ST6GALNAC3: variants seen among roughly 807,000 people sequenced by gnomAD.
ST6GALNAC3 encodes ST6 N-acetylgalactosaminide alpha-2,6-sialyltransferase 3.
In ST6GALNAC3, 25 loss-of-function variants were observed where a neutral mutation model predicts 32.7. The ratio of observed to expected loss-of-function variants is 0.76; its 90% confidence interval spans 0.56 to 1.07. The LOEUF (loss-of-function observed/expected upper bound fraction) is 1.07. Ranked by LOEUF, ST6GALNAC3 falls within the 50% of genes least tolerant of loss-of-function variation. ST6GALNAC3 has a pLI of 0.00. For synonymous variants in ST6GALNAC3, 129 were observed against 133.1 expected, an observed-to-expected ratio of 0.97 and a Z score of 0.21; for missense variants, 355 against 382.4, an observed-to-expected ratio of 0.93 and a Z score of 0.60.
At chr1:76,470,651 A>G (rs1658962659) in intron 3 of ST6GALNAC3, among the ~76,000 whole-genome samples, 1 of 152,050 alleles carries the variant, frequency 6.6e-6, no homozygotes, top group East Asian at 1.9e-4. Context: ...TAGGGGGGAA[A>G]AATCCAGGGT....
intron 1 of ST6GALNAC3, among the ~76,000 whole-genome samples, chr1:76,095,528 CA>C (rs1286902172): frequency 6.6e-6 from 1 of 152,100 alleles, no homozygotes; most frequent in Non-Finnish European, 1.5e-5. Flanking sequence ...AGACTGTTCC[CA>C]AAGTGTGATC....
intron 1 of ST6GALNAC3, among the ~76,000 whole-genome samples, chr1:76,236,284 G>T (rs939089429): frequency 6.6e-6 from 1 of 152,074 alleles, no homozygotes; most frequent in Non-Finnish European, 1.5e-5. Flanking sequence ...ATCTACAATG[G>T]CCCTACTTCT....
rs368598099 is a variant in ST6GALNAC3 at position 76,489,973 on chromosome 1, A to G, written c.623+77556A>G. Reference sequence around the variant, plus strand: ...GCTGGAGGGCACATACCCTCGGTGTAAATCTTCCAGACAGACTTTCAGGTA... The same window carrying G: ...GCTGGAGGGCACATACCCTCGGTGTGAATCTTCCAGACAGACTTTCAGGTA... On this transcript the variant is annotated intron_variant, in intron 3 of 4. Transcript: ENST00000328299. 9.0e-4 allele frequency among the ~76,000 whole-genome samples: 137 copies of G among 152,282 alleles called. 1 individual carries two copies. Among genetic ancestry groups the G allele is most frequent in the Middle Eastern group, 3.4e-3 (1 of 294 alleles).
intron 1 of ST6GALNAC3, among the ~76,000 whole-genome samples, chr1:76,248,415 T>C (rs1268816226): frequency 1.3e-5 from 2 of 152,194 alleles, no homozygotes; most frequent in African/African-American, 4.8e-5. Flanking sequence ...CTCTGTATCT[T>C]ATCTAAGGAA....
intron 2 of ST6GALNAC3, among the ~76,000 whole-genome samples, chr1:76,355,711 G>A (rs1458103096): frequency 1.3e-5 from 2 of 152,192 alleles, no homozygotes; most frequent in African/African-American, 2.4e-5. Context: ...CAAACTCAGA[G>A]TGCTGTATCA....
At chr1:76,548,226 C>T (rs145107891) in intron 3 of ST6GALNAC3, among the ~76,000 whole-genome samples, 1 of 152,288 alleles carries the variant, frequency 6.6e-6, no homozygotes, top group East Asian at 1.9e-4. Flanking sequence ...TTCTTTTCCT[C>T]TCAACTTAAA....
intron 2 of ST6GALNAC3, 36 bp downstream of exon 2, chr1:76,314,035 T>C (rs375796764): frequency 1.5e-5 from 23 of 1,580,376 alleles, no homozygotes; most frequent in Non-Finnish European, 1.7e-5. Flanking sequence ...AGTTGGAGAG[T>C]ATCCATGGTA....
intron 3 of ST6GALNAC3, among the ~76,000 whole-genome samples, chr1:76,476,060 T>TGTATA (rs1659335524): frequency 6.6e-6 from 1 of 152,212 alleles, no homozygotes; most frequent in African/African-American, 2.4e-5. Flanking sequence ...TAGTATTTCA[T>TGTATA]GGTGTATATG....
At chr1:76,479,231 T>A (rs973054562) in intron 3 of ST6GALNAC3, among the ~76,000 whole-genome samples, 2 of 152,062 alleles carry the variant, frequency 1.3e-5, no homozygotes, top group Non-Finnish European at 2.9e-5. Context: ...GAAGGGAGGG[T>A]CATTGGAATA....
chr1:76,290,591 AG>A (rs1414163598), intron 1 of ST6GALNAC3, among the ~76,000 whole-genome samples: 6 of 152,188 alleles, frequency 3.9e-5, no homozygotes, highest in Non-Finnish European at 5.9e-5. Context: ...AAGGAGACTG[AG>A]GCTCAGAGAG....
chr1:76,335,606 A>G (rs1647405351), intron 2 of ST6GALNAC3, among the ~76,000 whole-genome samples: 1 of 152,212 alleles, frequency 6.6e-6, no homozygotes, highest in African/African-American at 2.4e-5. Flanking sequence ...TGGCCCTGGC[A>G]GGAAATTGAT....
chr1:76,273,801 G>A (rs1002720227), intron 1 of ST6GALNAC3, among the ~76,000 whole-genome samples: 2 of 152,066 alleles, frequency 1.3e-5, no homozygotes, highest in African/African-American at 2.4e-5. Context: ...ATATCCGCTC[G>A]TAAGATGTAT....
At chr1:76,431,816 A>G (rs1028409555) in intron 3 of ST6GALNAC3, among the ~76,000 whole-genome samples, 2 of 152,118 alleles carry the variant, frequency 1.3e-5, no homozygotes. Flanking sequence ...ACAACTGATG[A>G]ACCTGCAGTG....
chr1:76,377,897 C>T (rs1158374188), intron 2 of ST6GALNAC3, among the ~76,000 whole-genome samples: 3 of 152,156 alleles, frequency 2.0e-5, no homozygotes, highest in Non-Finnish European at 2.9e-5. Flanking sequence ...CTACTGGGGT[C>T]GCAGGGGTTG....
intron 3 of ST6GALNAC3, among the ~76,000 whole-genome samples, chr1:76,477,420 A>G (rs1220244568): frequency 6.6e-6 from 1 of 152,138 alleles, no homozygotes; most frequent in East Asian, 1.9e-4. Flanking sequence ...CAGGCCACAG[A>G]GTTCCTTTTG....
At position 76,183,800 on chromosome 1, in the gene ST6GALNAC3, T is replaced by C. The variant is rs796709222; in HGVS notation, c.18+108916T>C. 3.7e-4 allele frequency among the ~76,000 whole-genome samples: 55 copies of C among 149,472 alleles called. 2 individuals carry two copies. The highest frequency in any genetic ancestry group is 1.3e-3 in the African/African-American group (54 of 40,600). On this transcript the variant is annotated intron_variant, in intron 1 of 4. Coordinates refer to ENST00000328299, the MANE Select transcript of ST6GALNAC3 (RefSeq NM_152996.4). ...GTAAAATTATGGTATTATAGTCTTA[T>C]GGGATCAGCATTGTATATGCATTCT...
At position 76,403,862 on chromosome 1, in the gene ST6GALNAC3, A is replaced by G. The variant is rs542552939; in HGVS notation, c.214-8146A>G. On this transcript the variant is annotated intron_variant, in intron 2 of 4. Transcript: ENST00000328299. The stretch of plus-strand genomic sequence containing the variant: ...GTTTTACTGTGACCTAATAGTAATA[A>G]TAGGATATGAATTATTACCATAATT... Among the ~76,000 whole-genome samples the G allele has an allele frequency of 2.0e-5, 3 of 152,246 alleles. No individual in the cohort carries two copies. In the South Asian group the frequency reaches 6.2e-4, roughly 32 times the overall value.
chr1:76,238,478 G>A (rs930082947), intron 1 of ST6GALNAC3, among the ~76,000 whole-genome samples: 2 of 152,172 alleles, frequency 1.3e-5, no homozygotes, highest in Non-Finnish European at 2.9e-5. Flanking sequence ...TTTGTTGAGG[G>A]TATTTTTCCC....
At chr1:76,450,858 G>A (rs950154402) in intron 3 of ST6GALNAC3, among the ~76,000 whole-genome samples, 2 of 152,134 alleles carry the variant, frequency 1.3e-5, no homozygotes, top group Admixed American at 6.5e-5. Context: ...TCAGTTGGAT[G>A]TAAGTATTTG....
Sources: gnomAD v4.1 joint callset for allele counts (sites outside exome capture counted in the v4.1 genomes callset) on GRCh38, gnomAD v4.1.1 for gene constraint, MANE v1.5 for transcripts, NCBI Gene and HGNC (gene_info 2026-07-23, HGNC 2026-07-21) for gene names.